Variants in PRKD1 observed in about 807,000 individuals in gnomAD.
The protein encoded by PRKD1 is protein kinase D1, also known as serine/threonine-protein kinase D1.
Under a neutral mutation model 95.9 loss-of-function variants are expected in PRKD1, and 63 were observed. The ratio of observed to expected loss-of-function variants is 0.66; its 90% CI spans 0.54 to 0.81. The LOEUF (loss-of-function observed/expected upper bound fraction) is 0.81, where lower values mean the gene tolerates loss of function less well. Among genes scored for constraint, PRKD1 ranks in the 30% least tolerant of loss-of-function variants. The probability of loss-of-function intolerance (pLI) is 0.00; values close to 1 mark genes in which losing one functional copy is unlikely to be tolerated. For synonymous variants in PRKD1, 425 were observed against 423.1 expected, an observed-to-expected ratio of 1.00 and a Z score of -0.05; for missense variants, 1,048 against 1,165.3, an observed-to-expected ratio of 0.90 and a Z score of 1.47.
chr14:29,882,281 G>T (rs975524906), intron 1 of PRKD1, among the ~76,000 whole-genome samples: 2 of 152,052 alleles, frequency 1.3e-5, no homozygotes, highest in Non-Finnish European at 2.9e-5. Flanking sequence ...AAATAAAATA[G>T]GGCAATTTAG....
intron 1 of PRKD1, among the ~76,000 whole-genome samples, chr14:29,752,083 C>T (rs1340786236): frequency 2.6e-5 from 4 of 152,100 alleles, no homozygotes; most frequent in Non-Finnish European, 5.9e-5. Flanking sequence ...GATGTCAGAA[C>T]TACACTAATT....
At chr14:29,902,540 A>G (rs1288526703) in intron 1 of PRKD1, among the ~76,000 whole-genome samples, 3 of 152,184 alleles carry the variant, frequency 2.0e-5, no homozygotes, top group Non-Finnish European at 4.4e-5. Flanking sequence ...TTATTCGCCC[A>G]CAGAGGCGGG....
At chr14:29,693,298 A>G (rs943281294) in intron 2 of PRKD1, among the ~76,000 whole-genome samples, 5 of 152,082 alleles carry the variant, frequency 3.3e-5, no homozygotes, top group Admixed American at 3.3e-4. Context: ...ATCAGGTCTC[A>G]ATTTTGGTGG....
intron 1 of PRKD1, among the ~76,000 whole-genome samples, chr14:29,774,879 T>C (rs147094210): frequency 6.6e-6 from 1 of 152,144 alleles, no homozygotes; most frequent in African/African-American, 2.4e-5. Flanking sequence ...AGCAACATGA[T>C]AATAGTGGTG....
At chr14:29,806,513 C>A (rs1272303828) in intron 1 of PRKD1, among the ~76,000 whole-genome samples, 1 of 151,966 alleles carries the variant, frequency 6.6e-6, no homozygotes, top group Non-Finnish European at 1.5e-5. Flanking sequence ...CAGAAAACAG[C>A]CAGCGCATCA....
At chr14:29,864,481 T>C (rs553258948) in intron 1 of PRKD1, among the ~76,000 whole-genome samples, 1 of 152,286 alleles carries the variant, frequency 6.6e-6, no homozygotes, top group East Asian at 1.9e-4. Flanking sequence ...TCAATACCTA[T>C]TCTTTCTATA....
Position 29,668,005 on chromosome 14 carries a change from A to T in PRKD1, c.404-1797T>A, listed in dbSNP as rs571262959. ...GTTAGCACCCTTGACTTATGTTTAA[A>T]TGCCATATTTCTAAAGTTCAATTTT... On this transcript the variant is annotated intron_variant, in intron 2 of 17. Coordinates refer to ENST00000331968, the MANE Select transcript of PRKD1 (RefSeq NM_002742.3). 5.3e-5 allele frequency among the ~76,000 whole-genome samples: 8 copies of T among 152,156 alleles called. No individual in the cohort carries two copies. In the East Asian group the frequency reaches 1.5e-3, roughly 29 times the overall value.
intron 13 of PRKD1, among the ~76,000 whole-genome samples, chr14:29,619,656 T>C (rs1879112127): frequency 6.6e-6 from 1 of 152,070 alleles, no homozygotes; most frequent in Non-Finnish European, 1.5e-5. Context: ...AAGAGAAGTA[T>C]GGAGAAGGGG....
chr14:29,723,592 G>C (rs71415911), intron 2 of PRKD1, among the ~76,000 whole-genome samples: 1 of 152,076 alleles, frequency 6.6e-6, no homozygotes, highest in Non-Finnish European at 1.5e-5. Context: ...CTAAGCAATA[G>C]AGTGGGAGAG....
At position 29,684,153 on chromosome 14, in the gene PRKD1, T is replaced by C. The variant is rs879359199; in HGVS notation, c.404-17945A>G. Among the ~76,000 whole-genome samples the C allele has an allele frequency of 1.5e-3, 223 of 151,556 alleles. 1 individual carries two copies. Among genetic ancestry groups the C allele is most frequent in the Non-Finnish European group, 2.5e-3 (171 of 67,798 alleles). The stretch of plus-strand genomic sequence containing the variant: ...TTTTTCTTTAGAATGGTTTTTTTTT[T>C]TTTTTTCTTTTTTCTGAGATGGAGT... On this transcript the variant is annotated intron_variant, in intron 2 of 17. Transcript: ENST00000331968.
intron 12 of PRKD1, among the ~76,000 whole-genome samples, chr14:29,624,637 G>A (rs45515700): frequency 1.9e-3 from 283 of 152,240 alleles, no homozygotes; most frequent in African/African-American, 6.5e-3. Flanking sequence ...ATAAGATAAT[G>A]TATGTTATAG....
intron 2 of PRKD1, among the ~76,000 whole-genome samples, chr14:29,720,653 G>A (rs1046232741): frequency 2.6e-5 from 4 of 151,820 alleles, no homozygotes; most frequent in East Asian, 1.9e-4. Flanking sequence ...GGTGGTGTGC[G>A]CCTGTAATCC....
chr14:29,815,792 T>G (rs569368615), intron 1 of PRKD1, among the ~76,000 whole-genome samples: 1 of 152,218 alleles, frequency 6.6e-6, no homozygotes, highest in Admixed American at 6.5e-5. Flanking sequence ...GAAATTATAA[T>G]GGCATTTATG....
intron 1 of PRKD1, among the ~76,000 whole-genome samples, chr14:29,878,339 G>GAAAA (rs1299960905): frequency 2.9e-5 from 1 of 34,262 alleles, no homozygotes; most frequent in Non-Finnish European, 5.0e-5. Context: ...GAGTTCTAAT[G>GAAAA]ACAAAAAAAA....
intron 1 of PRKD1, among the ~76,000 whole-genome samples, chr14:29,903,684 T>C (rs2139433532): frequency 6.6e-6 from 1 of 152,074 alleles, no homozygotes; most frequent in South Asian, 2.1e-4. Context: ...TTTAAAATAA[T>C]CTGAGGAGAA....
intron 2 of PRKD1, among the ~76,000 whole-genome samples, chr14:29,706,027 T>C (rs900081185): frequency 2.0e-5 from 3 of 152,136 alleles, no homozygotes; most frequent in Non-Finnish European, 4.4e-5. Flanking sequence ...GCCAAACTGT[T>C]TTCCAAAGCA....
At chr14:29,896,041 C>T (rs1211867779) in intron 1 of PRKD1, among the ~76,000 whole-genome samples, 2 of 152,304 alleles carry the variant, frequency 1.3e-5, no homozygotes, top group South Asian at 2.1e-4. Context: ...TTTACAGATA[C>T]ATCTATGTGC....
intron 1 of PRKD1, among the ~76,000 whole-genome samples, chr14:29,879,444 C>T (rs1262697203): frequency 6.6e-6 from 1 of 152,146 alleles, no homozygotes; most frequent in African/African-American, 2.4e-5. Flanking sequence ...AAGTACCTTT[C>T]GCCTCCCGCC....
At chr14:29,806,481 A>G (rs1050281277) in intron 1 of PRKD1, among the ~76,000 whole-genome samples, 1 of 152,178 alleles carries the variant, frequency 6.6e-6, no homozygotes, top group African/African-American at 2.4e-5. Context: ...AGTAGATCCA[A>G]TCTGAAATAT....
Sources: allele counts gnomAD v4.1 joint callset (sites outside exome capture counted in the v4.1 genomes callset), GRCh38; gene constraint gnomAD v4.1.1; transcripts MANE v1.5; gene names NCBI Gene and HGNC (gene_info 2026-07-23, HGNC 2026-07-21).